DUX4: variants seen among roughly 807,000 people sequenced by gnomAD.
The protein encoded by DUX4 is double homeobox protein 4.
downstream of DUX4, among the ~76,000 whole-genome samples, chr4:190,177,511 A>G (rs1579832918): frequency 4.4e-3 from 597 of 136,970 alleles, no homozygotes; most frequent in South Asian, 0.019. Context: ...CTGGGTGATC[A>G]GTGGAGATAT....
chr4:190,179,443 G>A (rs879020520), downstream of DUX4, among the ~76,000 whole-genome samples: 8 of 144,838 alleles, frequency 5.5e-5, no homozygotes, highest in East Asian at 2.2e-4. Flanking sequence ...ATGTCACAAA[G>A]CACCCTGTAA....
At chr4:190,178,717 TGA>T (rs1742445759), downstream of DUX4, among the ~76,000 whole-genome samples, 1 of 149,650 alleles carries the variant, frequency 6.7e-6, no homozygotes, top group Non-Finnish European at 1.5e-5. Flanking sequence ...AGAGCTTAGA[TGA>T]GTTACATCAC....
At chr4:190,176,356 G>A (rs1176397065), downstream of DUX4, among the ~76,000 whole-genome samples, 37 of 114,604 alleles carry the variant, frequency 3.2e-4, 14 homozygotes, top group Non-Finnish European at 2.9e-4. Flanking sequence ...TCAGTGCAGA[G>A]ATGTGTCAAA....
At chr4:190,179,511 GC>G (rs1742500277), downstream of DUX4, among the ~76,000 whole-genome samples, 33 of 48,904 alleles carry the variant, frequency 6.7e-4, no homozygotes, top group South Asian at 1.9e-3. Flanking sequence ...TATGTCACAA[GC>G]CCCCTGTAGG....
chr4:190,181,650 G>A (rs1742588747), intron 1 of DUX4, among the ~76,000 whole-genome samples: 5 of 141,584 alleles, frequency 3.5e-5, no homozygotes, highest in African/African-American at 5.2e-5. Context: ...GCAGAGCCTA[G>A]ACAAGAGTCC....
downstream of DUX4, among the ~76,000 whole-genome samples, chr4:190,176,331 A>T (rs1203606699): frequency 9.2e-5 from 10 of 108,222 alleles, no homozygotes; most frequent in African/African-American, 1.6e-4. Context: ...GACAAGTGTT[A>T]CATCACCTGG....
chr4:190,177,143 A>G (rs1385050519), downstream of DUX4, among the ~76,000 whole-genome samples: 4,245 of 97,898 alleles, frequency 0.043, no homozygotes, highest in Non-Finnish European at 0.065. Context: ...CAGAGAGTGG[A>G]CAAGAGTTAC....
downstream of DUX4, among the ~76,000 whole-genome samples, chr4:190,178,887 CTA>C (rs1742460592): frequency 4.5e-5 from 3 of 67,392 alleles, no homozygotes; most frequent in East Asian, 5.5e-4. Context: ...CAGTGCAGAT[CTA>C]TGTCACAATG....
At position 190,183,220 on chromosome 4, in the gene DUX4, A is replaced by G. The variant is rs1370391882; in HGVS notation, n.93-2121A>G. On this transcript the variant is annotated intron_variant and non_coding_transcript_variant, in intron 1 of 2. Transcript: ENST00000563716. ...AATAAATTATTATTTATATTACACT[A>G]TTACTTAATATATAGGCTATTAAGA... is the stretch of plus-strand genomic sequence containing the variant. 2.9e-5 allele frequency: 3 copies of G among 102,258 alleles called. 1 individual carries two copies. The highest frequency in any genetic ancestry group is 6.8e-5 in the Non-Finnish European group (3 of 44,016). The allele number at this position is 102,258 out of a possible 1,614,324, so 6.3% of individuals were successfully genotyped here. A position where few individuals can be genotyped will look rare whatever the true frequency, so the allele number is the denominator to read the frequency against.
At chr4:190,176,325 A>T (rs1405070610), downstream of DUX4, among the ~76,000 whole-genome samples, 152 of 113,442 alleles carry the variant, frequency 1.3e-3, 36 homozygotes, top group Admixed American at 6.4e-3. Flanking sequence ...AGCTTAGACA[A>T]GTGTTACATC....
intron 1 of DUX4, among the ~76,000 whole-genome samples, chr4:190,181,460 A>T (rs1579837456): frequency 6.2e-3 from 817 of 131,300 alleles, no homozygotes; most frequent in African/African-American, 8.5e-3. Flanking sequence ...GAGTTACATC[A>T]CCTAGATGAT....
downstream of DUX4, among the ~76,000 whole-genome samples, chr4:190,176,255 C>G (rs1382244957): frequency 1.8e-5 from 2 of 113,064 alleles, 1 homozygote; most frequent in African/African-American, 5.2e-5. Context: ...AAAGCCCAGA[C>G]AATTTTTACA....
At chr4:190,180,009 C>CAGGAG (rs1742524902), downstream of DUX4, among the ~76,000 whole-genome samples, 3 of 101,054 alleles carry the variant, frequency 3.0e-5, no homozygotes, top group African/African-American at 1.4e-4. Context: ...AGAGCTTAAA[C>CAGGAG]TAGAGTTACA....
downstream of DUX4, among the ~76,000 whole-genome samples, chr4:190,176,941 G>T (rs1742331211): frequency 1.6e-5 from 2 of 124,726 alleles, no homozygotes; most frequent in Non-Finnish European, 3.6e-5. Flanking sequence ...GCCTAGACAA[G>T]AGTTACTTCA....
downstream of DUX4, among the ~76,000 whole-genome samples, chr4:190,177,872 G>GCCCCC (rs1742392160): frequency 8.3e-4 from 84 of 100,920 alleles, no homozygotes; most frequent in Middle Eastern, 5.2e-3. Context: ...ATGTCACAAT[G>GCCCCC]TCCCTGTAGC....
downstream of DUX4, among the ~76,000 whole-genome samples, chr4:190,177,907 A>T (rs1579833478): frequency 3.3e-5 from 5 of 151,258 alleles, no homozygotes; most frequent in Non-Finnish European, 1.5e-5. Context: ...AAGTGACATC[A>T]CCTGGGTGAT....
downstream of DUX4, among the ~76,000 whole-genome samples, chr4:190,180,131 A>T (rs1742532944): frequency 8.6e-6 from 1 of 116,260 alleles, no homozygotes; most frequent in Non-Finnish European, 1.8e-5. Context: ...TGCCGCCAGT[A>T]GGCAGAGCCT....
At chr4:190,179,452 A>AAAC (rs1742493985), downstream of DUX4, among the ~76,000 whole-genome samples, 1 of 24,538 alleles carries the variant, frequency 4.1e-5, no homozygotes, top group Non-Finnish European at 8.5e-5. Context: ...AGCACCCTGT[A>AAAC]AGCAGATCCT....
At chr4:190,183,072 G>A (rs1220473933) in intron 1 of DUX4, among the ~76,000 whole-genome samples, 2 of 38,246 alleles carry the variant, frequency 5.2e-5, no homozygotes, top group Non-Finnish European at 1.7e-4. Context: ...TAGGTTTAGG[G>A]TTAGGGTTAG....
Sources: gnomAD v4.1 joint callset for allele counts (sites outside exome capture counted in the v4.1 genomes callset) on GRCh38, gnomAD v4.1.1 for gene constraint, MANE v1.5 for transcripts, NCBI Gene and HGNC (gene_info 2026-07-23, HGNC 2026-07-21) for gene names.